The following GABRA3 variants were observed in gnomAD, a reference collection of about 807,000 sequenced individuals.
GABRA3 encodes gamma-aminobutyric acid receptor subunit alpha-3.
A neutral mutation model predicts 30.1 loss-of-function variants in GABRA3; 10 were observed. The observed-to-expected ratio is 0.33, with a 90% CI of 0.20 to 0.56. GABRA3 has a LOEUF of 0.56. GABRA3 is among the 20% of genes least tolerant of loss of function. The probability of loss-of-function intolerance (pLI) is 0.89; values close to 1 mark genes in which losing one functional copy is unlikely to be tolerated. For synonymous variants in GABRA3, 151 were observed against 146.8 expected (o/e 1.03, Z -0.21); for missense variants, 233 against 392.0 (o/e 0.59, Z 3.42).
intron 1 of GABRA3, among the ~76,000 whole-genome samples, chrX:152,447,976 A>C (rs868287876): frequency 3.6e-5 from 4 of 112,542 alleles, no homozygotes; most frequent in Admixed American, 1.9e-4. Context: ...ATTTGAAAAA[A>C]TCATTTTATG....
intron 2 of GABRA3, among the ~76,000 whole-genome samples, chrX:152,354,900 A>T (rs1050689028): frequency 6.3e-5 from 7 of 111,954 alleles, no homozygotes; most frequent in Non-Finnish European, 1.1e-4. Flanking sequence ...TGATGCATTG[A>T]TTCTTTAATA....
intron 9 of GABRA3, among the ~76,000 whole-genome samples, chrX:152,185,439 A>C (rs1287813022): frequency 9.0e-6 from 1 of 111,373 alleles, no homozygotes; most frequent in Non-Finnish European, 1.9e-5. Context: ...ATCATTTCTG[A>C]TGTCTAGCTC....
rs751682411 is a variant in GABRA3 at position 152,273,434 on chromosome X, T to C, written c.330+11234A>G. 8.9e-5 allele frequency among the ~76,000 whole-genome samples: 10 copies of C among 112,361 alleles called. 1 individual carries two copies. The highest frequency in any genetic ancestry group is 2.6e-4 in the African/African-American group (8 of 30,993). On this transcript the variant is annotated intron_variant, in intron 4 of 9. Coordinates refer to ENST00000370314, the MANE Select transcript of GABRA3 (RefSeq NM_000808.4). ...CCATATGATCCTGCAAATCCACTACTGGGTACATATCAAAAAGAAAGGAAA... is the reference window on the plus strand; with the variant it reads ...CCATATGATCCTGCAAATCCACTACCGGGTACATATCAAAAAGAAAGGAAA...
intron 6 of GABRA3, among the ~76,000 whole-genome samples, chrX:152,210,411 G>C (rs184921527): frequency 2.4e-4 from 27 of 111,755 alleles, no homozygotes; most frequent in Non-Finnish European, 1.5e-4. Flanking sequence ...TAATTCTCTT[G>C]TAAGTAAAAC....
chrX:152,448,349 T>C (rs751542289), intron 1 of GABRA3, among the ~76,000 whole-genome samples: 27 of 112,439 alleles, frequency 2.4e-4, no homozygotes, highest in Non-Finnish European at 4.1e-4. Context: ...GCCTAACGAT[T>C]TCCGAAGCCT....
At chrX:152,215,056 T>TA (rs1422105758) in intron 6 of GABRA3, among the ~76,000 whole-genome samples, 7 of 102,408 alleles carry the variant, frequency 6.8e-5, no homozygotes, top group African/African-American at 2.8e-4. Context: ...ATATATATAT[T>TA]TTTTTATATG....
intron 1 of GABRA3, among the ~76,000 whole-genome samples, chrX:152,441,894 A>AT (rs1930941074): frequency 8.9e-6 from 1 of 111,956 alleles, no homozygotes; most frequent in South Asian, 3.7e-4. Flanking sequence ...TTTGGAGAAC[A>AT]TTTTTTATGA....
At chrX:152,173,770 AATTTATTT>A (rs762067911) in intron 9 of GABRA3, among the ~76,000 whole-genome samples, 7 of 110,179 alleles carry the variant, frequency 6.4e-5, no homozygotes, top group East Asian at 2.8e-4. Context: ...GCGCCTGGCT[AATTTATTT>A]ATTTATTTAT....
At chrX:152,275,003 GGT>G (rs1487509387) in intron 4 of GABRA3, among the ~76,000 whole-genome samples, 4 of 98,642 alleles carry the variant, frequency 4.1e-5, no homozygotes, top group Non-Finnish European at 8.0e-5. Context: ...TCTACTTTGG[GGT>G]GTGTGTGTGG....
In GABRA3 at chrX:152,285,410, T is replaced by C. The variant is rs189520958; in HGVS notation, c.263-675A>G. ...CCATATTTGGAGACAACTGATATCA[T>C]TTGATACACTCTTTACATTTACTTT... On this transcript the variant is annotated intron_variant, in intron 3 of 9. Transcript: ENST00000370314. 3.6e-5 allele frequency among the ~76,000 whole-genome samples: 4 copies of C among 111,643 alleles called. No individual in the cohort carries two copies. The Admixed American group carries it at 3.8e-4, about 11-fold the overall frequency.
rs192952292 is a variant in GABRA3 at position 152,254,637 on chromosome X, A to G, written c.551+1141T>C. Among the ~76,000 whole-genome samples the G allele has an allele frequency of 2.3e-3, 255 of 111,323 alleles. 3 individuals carry two copies. Among genetic ancestry groups the G allele is most frequent in the South Asian group, 3.0e-3 (8 of 2,682 alleles). The stretch of plus-strand genomic sequence containing the variant: ...AAGTATTATCCTTTTTTCCTTGACC[A>G]TCTCCTCATCTTCCAAATTCTTGTA... On this transcript the variant is annotated intron_variant, in intron 5 of 9. Transcript: ENST00000370314.
chrX:152,205,474 G>A (rs966451862), intron 7 of GABRA3, among the ~76,000 whole-genome samples: 3 of 111,728 alleles, frequency 2.7e-5, no homozygotes, highest in African/African-American at 9.8e-5. Context: ...GTGGATGATT[G>A]TTTAAATAGA....
chrX:152,415,747 TACTTCCCATGAGTTTATTATTTGCG>T (rs1259581297), intron 1 of GABRA3, among the ~76,000 whole-genome samples: 2 of 111,563 alleles, frequency 1.8e-5, no homozygotes, highest in African/African-American at 3.3e-5. Context: ...GGTCTCTATG[TACTTCCCATGAGTTTATTATTTGCG>T]ACTTCCCATG....
At chrX:152,311,558 T>C (rs1048528171) in intron 3 of GABRA3, among the ~76,000 whole-genome samples, 4 of 111,801 alleles carry the variant, frequency 3.6e-5, no homozygotes, top group South Asian at 3.7e-4. Flanking sequence ...TTCAAAATAA[T>C]AGGAGTCACC....
chrX:152,298,687 G>A (rs961139946), intron 3 of GABRA3, among the ~76,000 whole-genome samples: 4 of 110,963 alleles, frequency 3.6e-5, no homozygotes, highest in African/African-American at 1.3e-4. Flanking sequence ...ATAAACATAC[G>A]TGTGCATGTG....
chrX:152,335,953 T>TCAAG (rs1418772837), intron 3 of GABRA3, among the ~76,000 whole-genome samples: 8 of 111,495 alleles, frequency 7.2e-5, no homozygotes, highest in Middle Eastern at 4.2e-3. Flanking sequence ...ACTCCTAGCC[T>TCAAG]CAAGCGATCC....
At chrX:152,229,423 T>G (rs1374628491) in intron 5 of GABRA3, among the ~76,000 whole-genome samples, 1 of 111,147 alleles carries the variant, frequency 9.0e-6, no homozygotes, top group African/African-American at 3.3e-5. Context: ...GTTATGACTC[T>G]CATTTTACCA....
At chrX:152,275,109 T>TATTTA (rs1164604585) in intron 4 of GABRA3, among the ~76,000 whole-genome samples, 1 of 82,653 alleles carries the variant, frequency 1.2e-5, no homozygotes, top group Non-Finnish European at 2.3e-5. Context: ...TATCATATAT[T>TATTTA]ATTTAATTTA....
intron 6 of GABRA3, among the ~76,000 whole-genome samples, chrX:152,213,241 A>T (rs1004892341): frequency 2.7e-5 from 3 of 112,014 alleles, no homozygotes; most frequent in Non-Finnish European, 5.6e-5. Context: ...CCACTTGCTT[A>T]ATTGATTTAA....
Sources: gnomAD v4.1 joint callset for allele counts (sites outside exome capture counted in the v4.1 genomes callset) on GRCh38, gnomAD v4.1.1 for gene constraint, MANE v1.5 for transcripts, NCBI Gene and HGNC (gene_info 2026-07-23, HGNC 2026-07-21) for gene names.